The following GADL1 variants were observed in gnomAD, a reference collection of about 807,000 sequenced individuals.
GADL1 encodes GAD like acidic amino acid decarboxylase 1.
GADL1 carries 71 observed loss-of-function variants against 69.5 expected under a neutral mutation model. That is an observed-to-expected ratio of 1.02 (90% CI 0.84 to 1.25). GADL1 has a LOEUF of 1.25. GADL1 is among the 50% of genes most tolerant of loss of function. The pLI is 0.00. For synonymous variants in GADL1, 254 were observed against 214.4 expected (o/e 1.18, Z -1.62); for missense variants, 737 against 631.8 (o/e 1.17, Z -1.79).
At chr3:30,780,328 G>A (rs539047053) in intron 13 of GADL1, among the ~76,000 whole-genome samples, 1 of 152,192 alleles carries the variant, frequency 6.6e-6, no homozygotes, top group African/African-American at 2.4e-5. Context: ...TATCCCATGA[G>A]CCAAGGTCAT....
At chr3:30,891,582 G>T (rs1278104878) in intron 1 of GADL1, among the ~76,000 whole-genome samples, 1 of 151,886 alleles carries the variant, frequency 6.6e-6, no homozygotes, top group Non-Finnish European at 1.5e-5. Context: ...GCGGGACTCT[G>T]GAGTGAGAGC....
chr3:30,769,657 G>A (rs777660795), intron 14 of GADL1, among the ~76,000 whole-genome samples: 7 of 152,250 alleles, frequency 4.6e-5, no homozygotes, highest in South Asian at 2.1e-4. Context: ...CTTGGAATCC[G>A]GAAAGGAGAA....
At chr3:30,816,626 A>G (rs1307216824) in intron 11 of GADL1, among the ~76,000 whole-genome samples, 1 of 130,610 alleles carries the variant, frequency 7.7e-6, no homozygotes, top group South Asian at 2.4e-4. Context: ...GCTCACTGCA[A>G]CCTCCGCCTC....
chr3:30,824,351 A>G (rs1697646783), intron 11 of GADL1, among the ~76,000 whole-genome samples: 3 of 150,856 alleles, frequency 2.0e-5, no homozygotes, highest in African/African-American at 7.4e-5. Context: ...TCTTAACACC[A>G]GCAAAAATGA....
chr3:30,867,525 C>T (rs1559365286), intron 1 of GADL1, among the ~76,000 whole-genome samples: 1 of 150,986 alleles, frequency 6.6e-6, no homozygotes, highest in Non-Finnish European at 1.5e-5. Context: ...ACAGATTTAA[C>T]AAATGTAATT....
chr3:30,752,856 C>G (rs6799638), intron 14 of GADL1, among the ~76,000 whole-genome samples: 15,479 of 97,048 alleles, frequency 0.16, 2,176 homozygotes, highest in African/African-American at 0.36. Flanking sequence ...TAATTAAGTT[C>G]TCAAATAACT....
chr3:30,830,297 G>A (rs1490623194), intron 11 of GADL1, among the ~76,000 whole-genome samples: 1 of 151,910 alleles, frequency 6.6e-6, no homozygotes, highest in Non-Finnish European at 1.5e-5. Flanking sequence ...TGATTGTCCA[G>A]AAAAATATAG....
intron 1 of GADL1, among the ~76,000 whole-genome samples, chr3:30,866,673 C>T (rs912980172): frequency 1.3e-5 from 2 of 152,006 alleles, no homozygotes; most frequent in Admixed American, 6.6e-5. Flanking sequence ...AGAGCTTCCT[C>T]CACCATGTTC....
At chr3:30,856,879 C>G in intron 3 of GADL1, 136 bp downstream of exon 3, 1 of 687,524 alleles carries the variant, frequency 1.5e-6, no homozygotes, top group Non-Finnish European at 2.3e-6. Context: ...GGGACCATTG[C>G]AAAAACATCA....
chr3:30,872,655 T>C (rs1698509428), intron 1 of GADL1, among the ~76,000 whole-genome samples: 2 of 151,956 alleles, frequency 1.3e-5, no homozygotes, highest in Non-Finnish European at 2.9e-5. Flanking sequence ...TGTGGGTATC[T>C]CCAAGTTCTA....
intron 1 of GADL1, among the ~76,000 whole-genome samples, chr3:30,864,364 C>CGT (rs377063111): frequency 1.1e-4 from 16 of 150,746 alleles, no homozygotes; most frequent in South Asian, 8.4e-4. Context: ...CACCCCGTTC[C>CGT]GTGTGTGTGT....
intron 1 of GADL1, among the ~76,000 whole-genome samples, chr3:30,876,334 T>C (rs1698576077): frequency 6.6e-6 from 1 of 152,012 alleles, no homozygotes; most frequent in South Asian, 2.1e-4. Context: ...TGGAAAGAGA[T>C]GGGATAGGGA....
chr3:30,794,239 G>C (rs1696980815), intron 12 of GADL1, among the ~76,000 whole-genome samples: 1 of 152,182 alleles, frequency 6.6e-6, no homozygotes, highest in African/African-American at 2.4e-5. Flanking sequence ...CAAGGGAATA[G>C]ATAGATAAAT....
intron 6 of GADL1, 87 bp downstream of exon 6, chr3:30,849,909 C>A (rs1440454114): frequency 1.9e-5 from 15 of 784,488 alleles, no homozygotes; most frequent in African/African-American, 6.9e-5. Context: ...GGGTATAGGA[C>A]AAAATCACAT....
At chr3:30,780,776 T>C (rs1696649306) in intron 13 of GADL1, among the ~76,000 whole-genome samples, 1 of 152,220 alleles carries the variant, frequency 6.6e-6, no homozygotes, top group South Asian at 2.1e-4. Context: ...CTACAACATT[T>C]GAAAGCTTAT....
At chr3:30,889,437 G>A (rs1056394021) in intron 1 of GADL1, among the ~76,000 whole-genome samples, 4 of 152,150 alleles carry the variant, frequency 2.6e-5, no homozygotes, top group African/African-American at 7.2e-5. Flanking sequence ...TCAAGCACAC[G>A]TGCAAAACAA....
At chr3:30,778,350 G>C (rs528240361) in intron 13 of GADL1, 82 bp from the exon 14 acceptor site, 2 of 863,600 alleles carry the variant, frequency 2.3e-6, no homozygotes, top group African/African-American at 3.4e-5. Context: ...CTCTTAGCTA[G>C]TTTCTTCAAG....
intron 1 of GADL1, among the ~76,000 whole-genome samples, chr3:30,875,341 T>C (rs1698563170): frequency 6.6e-6 from 1 of 151,800 alleles, no homozygotes; most frequent in Non-Finnish European, 1.5e-5. Flanking sequence ...CAGTCTCTGA[T>C]CAAAATTCAT....
chr3:30,858,831 ATCTT>A (rs1239790368), intron 2 of GADL1, among the ~76,000 whole-genome samples: 1 of 151,982 alleles, frequency 6.6e-6, no homozygotes, highest in Non-Finnish European at 1.5e-5. Flanking sequence ...AAGGAGCAGA[ATCTT>A]TCTGGGCATC....
Sources: gnomAD v4.1 joint callset for allele counts (sites outside exome capture counted in the v4.1 genomes callset) on GRCh38, gnomAD v4.1.1 for gene constraint, MANE v1.5 for transcripts, NCBI Gene and HGNC (gene_info 2026-07-23, HGNC 2026-07-21) for gene names.